The following TARBP1 variants were observed in gnomAD, a reference collection of about 807,000 sequenced individuals.
The protein encoded by TARBP1 is tRNA guanosine 2 -O-methyltransferase TARBP1.
A neutral mutation model predicts 178.6 loss-of-function variants in TARBP1; 144 were observed. The ratio of observed to expected loss-of-function variants is 0.81; its 90% CI spans 0.70 to 0.93. TARBP1 has a LOEUF of 0.93. Among genes scored for constraint, TARBP1 ranks in the 40% least tolerant of loss-of-function variants. The probability of loss-of-function intolerance (pLI) is 0.00; values close to 1 mark genes in which losing one functional copy is unlikely to be tolerated. For synonymous variants in TARBP1, 787 were observed against 781.0 expected, an observed-to-expected ratio of 1.01 and a Z score of -0.13; for missense variants, 2,067 against 2,011.7, an observed-to-expected ratio of 1.03 and a Z score of -0.53.
chr1:234,441,911 T>C (rs1007734771), intron 12 of TARBP1, among the ~76,000 whole-genome samples: 5 of 152,196 alleles, frequency 3.3e-5, no homozygotes, highest in African/African-American at 1.2e-4. Flanking sequence ...TGAGTATGTA[T>C]AAACCACATA....
chr1:234,392,503 C>A lies in TARBP1; in HGVS notation c.4610G>T (p.Gly1537Val). The change falls in exon 29 of 30, where the codon GGT becomes GTT. Residue 1537 changes from glycine (G) to valine (V), a missense_variant. By Grantham distance (109) the Gly-to-Val change is moderately radical. Coordinates refer to ENST00000040877, the MANE Select transcript of TARBP1 (RefSeq NM_005646.4). ...TTGTTCCACTCCAATGATGGTATAACCTTCTGTTTTCTTCTGCTGCAGATA... is the reference window on the plus strand; with the variant it reads ...TTGTTCCACTCCAATGATGGTATAAACTTCTGTTTTCTTCTGCTGCAGATA... ...IDYLQQKKTE[G>V]YTIIGVEQTA... 1 of 1,613,986 alleles carries A rather than the reference C, an allele frequency of 6.2e-7. No homozygotes were observed. Among genetic ancestry groups the A allele is most frequent in the Non-Finnish European group, 8.5e-7 (1 of 1,179,920 alleles).
In TARBP1 at chr1:234,430,107, A is replaced by G. The variant is rs1370845926; in HGVS notation, c.2589T>C (p.Ala863=). 1.9e-6 allele frequency: 3 copies of G among 1,613,626 alleles called. No individual in the cohort carries two copies. The highest frequency in any genetic ancestry group is 2.5e-6 in the Non-Finnish European group (3 of 1,179,594). ...TGTACCTGCTGCACTCCAAGGGGTG[A>G]GCATAACTGCTCTGCTCCTCTGCGT... ...KPHAEEQSSY[A]HPLECSSVLE... is the part of the protein sequence containing the mutation. Residue 863 remains alanine (A), a synonymous_variant, in exon 15 of 30, where the codon GCT becomes GCC. Coordinates refer to ENST00000040877, the MANE Select transcript of TARBP1 (RefSeq NM_005646.4).
At chr1:234,462,637 T>C (rs1238596195) in intron 6 of TARBP1, among the ~76,000 whole-genome samples, 16 of 135,254 alleles carry the variant, frequency 1.2e-4, no homozygotes, top group East Asian at 2.1e-4. Context: ...TGCAGTGAGC[T>C]GAGATCGCAC....
At chr1:234,396,039 A>T (rs1233557349) in intron 26 of TARBP1, among the ~76,000 whole-genome samples, 1 of 152,180 alleles carries the variant, frequency 6.6e-6, no homozygotes, top group East Asian at 1.9e-4. Flanking sequence ...ATGTACAATT[A>T]TTATTTGTCA....
At chr1:234,455,544 G>A (rs1424964442) in intron 9 of TARBP1, among the ~76,000 whole-genome samples, 1 of 152,164 alleles carries the variant, frequency 6.6e-6, no homozygotes, top group Non-Finnish European at 1.5e-5. Context: ...CTGAGATAAA[G>A]AAATCACTAT....
rs780655036 is a variant in TARBP1 at position 234,392,437 on chromosome 1, T to C, written c.4676A>G (p.Glu1559Gly). 6.2e-7 allele frequency: 1 copy of C among 1,614,130 alleles called. No homozygotes were observed. The highest frequency in any genetic ancestry group is 8.5e-7 in the Non-Finnish European group (1 of 1,180,016). The change falls in exon 29 of 30, where the codon GAG becomes GGG. Residue 1559 changes from glutamate (E) to glycine (G), a missense_variant. By Grantham distance (98) the Glu-to-Gly change is moderately conservative. Transcript: ENST00000040877. ...SLDLTQYCFP[E>G]KSLLLLGNER... The stretch of plus-strand genomic sequence containing the variant: ...TTACCCCAACAAGAGCAGAGATTTC[T>C]CAGGAAAGCAATATTGGGTTAGGTC...
intron 2 of TARBP1, 64 bp downstream of exon 2, chr1:234,472,650 A>G: frequency 9.2e-7 from 1 of 1,082,604 alleles, no homozygotes; most frequent in Non-Finnish European, 1.3e-6. Flanking sequence ...GCTTTTAATG[A>G]ATGTTTTTAA....
rs377368407 is a variant in TARBP1 at position 234,432,670 on chromosome 1, G to A, written c.2394+740C>T. Among the ~76,000 whole-genome samples the A allele has an allele frequency of 2.0e-5, 3 of 152,254 alleles. No homozygotes were observed. In the East Asian group the frequency reaches 5.8e-4, roughly 29 times the overall value. On this transcript the variant is annotated intron_variant, in intron 14 of 29. Transcript: ENST00000040877. ...GGAGAGGGCACTCATTCTCCACGGAGGGACCAGACTGAATGACAGCCTCCA... is the reference window on the plus strand; with the variant it reads ...GGAGAGGGCACTCATTCTCCACGGAAGGACCAGACTGAATGACAGCCTCCA...
At chr1:234,434,622 G>A (rs1160207892) in intron 13 of TARBP1, among the ~76,000 whole-genome samples, 1 of 152,178 alleles carries the variant, frequency 6.6e-6, no homozygotes, top group African/African-American at 2.4e-5. Context: ...TGAGAAATTC[G>A]ACTGACACCA....
intron 1 of TARBP1, among the ~76,000 whole-genome samples, chr1:234,475,770 G>A (rs1001395332): frequency 1.3e-5 from 2 of 152,240 alleles, no homozygotes; most frequent in Non-Finnish European, 2.9e-5. Context: ...AGGGAGGGAC[G>A]AAGCCTTGGC....
intron 10 of TARBP1, 35 bp downstream of exon 10, chr1:234,450,390 TTGG>T: frequency 6.7e-7 from 1 of 1,499,542 alleles, no homozygotes. Flanking sequence ...TGAAAATATT[TTGG>T]TTATATCAAT....
intron 1 of TARBP1, among the ~76,000 whole-genome samples, chr1:234,473,199 A>C (rs777588224): frequency 6.6e-6 from 1 of 152,230 alleles, no homozygotes; most frequent in African/African-American, 2.4e-5. Flanking sequence ...AGTCATGAGA[A>C]TTTTAAGTTG....
At chr1:234,425,615 G>T in intron 20 of TARBP1, 58 bp downstream of exon 20, 1 of 1,515,816 alleles carries the variant, frequency 6.6e-7, no homozygotes, top group Non-Finnish European at 9.1e-7. Context: ...AACATAAAGA[G>T]CAAATGTTGA....
intron 13 of TARBP1, among the ~76,000 whole-genome samples, 200 bp from the exon 14 acceptor site, chr1:234,433,771 G>C (rs766383058): frequency 2.6e-5 from 4 of 152,182 alleles, no homozygotes; most frequent in Non-Finnish European, 5.9e-5. Flanking sequence ...CACAGTGACT[G>C]TGCATTCAGC....
At chr1:234,433,652 G>A in intron 13 of TARBP1, 81 bp from the exon 14 acceptor site, 1 of 1,387,062 alleles carries the variant, frequency 7.2e-7, no homozygotes, top group Non-Finnish European at 9.8e-7. Context: ...GGCAGGAGAA[G>A]TTTACTTAAA....
chr1:234,447,031 T>C, intron 11 of TARBP1, 56 bp from the exon 12 acceptor site: 1 of 1,590,254 alleles, frequency 6.3e-7, no homozygotes, highest in Non-Finnish European at 8.6e-7. Context: ...AGCAAATTGC[T>C]TCCCACCTAT....
chr1:234,444,083 T>C (rs1026127089), intron 12 of TARBP1, among the ~76,000 whole-genome samples: 12 of 152,226 alleles, frequency 7.9e-5, no homozygotes, highest in Admixed American at 6.5e-4. Context: ...CACAGAACTG[T>C]ACACTTAAAT....
Position 234,467,486 on chromosome 1 carries a change from G to C in TARBP1, c.1248+16C>G. On this transcript the variant is annotated intron_variant, in intron 4 of 29. Transcript: ENST00000040877. ...TTTCAACAATGGGAGCAAGGAAGGG[G>C]ACAGGGTGTCATTACCTCAGAAAAT... 6.4e-7 allele frequency: 1 copy of C among 1,567,934 alleles called. No homozygotes were observed. The highest frequency in any genetic ancestry group is 8.6e-7 in the Non-Finnish European group (1 of 1,160,902).
At chr1:234,433,635 G>T in intron 13 of TARBP1, 64 bp from the exon 14 acceptor site, 1 of 1,479,588 alleles carries the variant, frequency 6.8e-7, no homozygotes, top group Non-Finnish European at 9.1e-7. Context: ...AAAACTACAA[G>T]CCTTCAGGCA....
Sources: allele counts gnomAD v4.1 joint callset (sites outside exome capture counted in the v4.1 genomes callset), GRCh38; gene constraint gnomAD v4.1.1; transcripts MANE v1.5; gene names NCBI Gene and HGNC (gene_info 2026-07-23, HGNC 2026-07-21).